The following DBF4B variants were observed in gnomAD, a reference collection of about 807,000 sequenced individuals.
The protein encoded by DBF4B is protein DBF4 homolog B.
A neutral mutation model predicts 53.4 loss-of-function variants in DBF4B; 49 were observed. The observed-to-expected ratio is 0.92, with a 90% confidence interval of 0.73 to 1.16. DBF4B has a LOEUF of 1.16. DBF4B is among the 50% of genes most tolerant of loss of function. DBF4B has a pLI of 0.00. For missense variants in DBF4B, 692 were observed against 775.0 expected (o/e 0.89, Z 1.27); for synonymous variants, 257 against 288.7 (o/e 0.89, Z 1.11).
chr17:44,736,687 AGGGCCTGAGAGTCT>A (rs916820088), intron 7 of DBF4B, 129 bp from the exon 8 acceptor site: 42 of 823,198 alleles, frequency 5.1e-5, no homozygotes, highest in Non-Finnish European at 8.2e-5. Flanking sequence ...GCTCCAGCTC[AGGGCCTGAGAGTCT>A]GGTTCTGCAG....
Position 44,749,231 on chromosome 17 carries a change from T to C in DBF4B, c.1189+766T>C. ...CTCTGGGCCCCCCAGCCTCTCCAGGTGCCCTGTCTCCCTGTCTCCCAGCCC... is the reference window on the plus strand; with the variant it reads ...CTCTGGGCCCCCCAGCCTCTCCAGGCGCCCTGTCTCCCTGTCTCCCAGCCC... On this transcript the variant is annotated intron_variant, in intron 13 of 13. Coordinates refer to ENST00000315005, the MANE Select transcript of DBF4B (RefSeq NM_145663.3). The surrounding 1 kb of genome is among the most constrained non-coding windows in gnomAD (Gnocchi z 4.4). The C allele has an allele frequency of 7.7e-7, 1 of 1,290,444 alleles. No homozygotes were observed. The highest frequency in any genetic ancestry group is 1.2e-5 in the South Asian group (1 of 81,702). 79.9% of individuals were successfully genotyped at this position (1,290,444 alleles called of 1,614,324 possible).
chr17:44,730,948 T>C lies in DBF4B; in HGVS notation c.418-17T>C. The C allele has an allele frequency of 6.2e-7, 1 of 1,613,666 alleles. No homozygotes were observed. The highest frequency in any genetic ancestry group is 8.5e-7 in the Non-Finnish European group (1 of 1,179,772). On this transcript the variant is annotated splice_polypyrimidine_tract_variant and intron_variant, in intron 4 of 13. Transcript: ENST00000315005. ...GTGGCCTAACAGCAGACCTCACTGC[T>C]CTTCTGTCCCTGTCAGGTGCCTCTA...
At chr17:44,738,324 C>T (rs1004842268) in intron 8 of DBF4B, 55 bp from the exon 9 acceptor site, 3 of 1,570,926 alleles carry the variant, frequency 1.9e-6, no homozygotes, top group African/African-American at 1.4e-5. Context: ...ATGTGTGGTG[C>T]AGGCCCTGCA....
chr17:44,738,528 C>T, intron 9 of DBF4B, 104 bp downstream of exon 9: 1 of 1,184,442 alleles, frequency 8.4e-7, no homozygotes, highest in Non-Finnish European at 1.2e-6. Flanking sequence ...GACATGGAGC[C>T]CCTTAACCCT....
chr17:44,731,281 C>T (rs913639020), intron 5 of DBF4B: 2 of 422,002 alleles, frequency 4.7e-6, no homozygotes, highest in South Asian at 4.4e-5. Context: ...TGTGGCGGGA[C>T]AGGGTTGCTG....
chr17:44,712,430 A>G (rs539100284), intron 2 of DBF4B, among the ~76,000 whole-genome samples: 1 of 144,846 alleles, frequency 6.9e-6, no homozygotes, highest in Non-Finnish European at 1.5e-5. Flanking sequence ...TCAGCCTCCC[A>G]AGTAGCTGGG....
intron 12 of DBF4B, among the ~76,000 whole-genome samples, chr17:44,748,121 G>A (rs563758547): frequency 4.9e-4 from 74 of 152,250 alleles, no homozygotes; most frequent in African/African-American, 1.7e-3. Context: ...TCCTCTGGCC[G>A]GCCCCAACCA....
chr17:44,730,016 A>C lies in DBF4B; in HGVS notation c.337A>C (p.Ser113Arg). 6.2e-7 allele frequency: 1 copy of C among 1,613,708 alleles called. No homozygotes were observed. The highest frequency in any genetic ancestry group is 8.5e-7 in the Non-Finnish European group (1 of 1,180,028). Residue 113 changes from serine (S) to arginine (R), a missense_variant, in exon 4 of 14, where the codon AGT becomes CGT. Physicochemically the swap from Ser to Arg is moderately radical, Grantham distance 110. Transcript: ENST00000315005. ...SHRGCPSPSPSEVRVETSAMV... is the reference protein window; with the variant it reads ...SHRGCPSPSPREVRVETSAMV... ...TAGAGGCTGCCCTAGCCCTAGCCCC[A>C]GTGAGGTCAGAGTGGAAACATCGGC...
chr17:44,748,018 A>C (rs1422809893), intron 12 of DBF4B, among the ~76,000 whole-genome samples: 1 of 152,142 alleles, frequency 6.6e-6, no homozygotes, highest in Non-Finnish European at 1.5e-5. Context: ...CTCAAGCTCA[A>C]CTTGCACAGC....
At chr17:44,711,500 T>C (rs1309993578) in intron 2 of DBF4B, among the ~76,000 whole-genome samples, 1 of 152,094 alleles carries the variant, frequency 6.6e-6, no homozygotes, top group African/African-American at 2.4e-5. Flanking sequence ...CCTGGCTTCC[T>C]GTTTGATTCT....
chr17:44,726,957 C>T (rs933239852), intron 3 of DBF4B, among the ~76,000 whole-genome samples: 1 of 151,268 alleles, frequency 6.6e-6, no homozygotes, highest in African/African-American at 2.4e-5. Context: ...CAATTAGCTG[C>T]GTGTGGTGGT....
chr17:44,750,861 G>A lies in DBF4B; in HGVS notation c.1456G>A (p.Ala486Thr). 6.2e-7 allele frequency: 1 copy of A among 1,614,202 alleles called. No individual in the cohort carries two copies. Among genetic ancestry groups the A allele is most frequent in the South Asian group, 1.1e-5 (1 of 91,080 alleles). Residue 486 changes from alanine (A) to threonine (T), a missense_variant, in exon 14 of 14, where the codon GCG becomes ACG. Ala to Thr is a moderately conservative substitution (Grantham distance 58). This residue lies in a region of DBF4B where 597 missense variants were observed against 665.8 expected (regional missense o/e 0.90). Coordinates refer to ENST00000315005, the MANE Select transcript of DBF4B (RefSeq NM_145663.3). ...CTCCCAAGAAAACTCCTTTGCCCCG[G>A]CGGACATTCCTGTTAAGGGCCCACT... is the stretch of plus-strand genomic sequence containing the variant. Reference protein sequence around the residue: ...HPSQENSFAPADIPVKGPLLF... With the variant: ...HPSQENSFAPTDIPVKGPLLF...
In DBF4B at chr17:44,747,513, C is replaced by A; in HGVS notation, c.1062C>A (p.Pro354=). 1 of 1,613,770 alleles carries A rather than the reference C, an allele frequency of 6.2e-7. No individual in the cohort carries two copies. The highest frequency in any genetic ancestry group is 1.1e-5 in the South Asian group (1 of 91,072). The change falls in exon 12 of 14, where the codon CCC becomes CCA. Residue 354 remains proline, a splice_region_variant and synonymous_variant. Coordinates refer to ENST00000315005, the MANE Select transcript of DBF4B (RefSeq NM_145663.3). The stretch of plus-strand genomic sequence containing the variant: ...ACATCCCTTTCCAGGCTGGCCTCCC[C>A]AGGTGAGTGCCACGCTGGCAGGCAC... ...FADIPFQAGL[P]RWSGSPASDC...
Position 44,749,581 on chromosome 17 carries a change from G to A in DBF4B, c.1190-1014G>A, listed in dbSNP as rs1446705176. ...AGGTCTTTGGGAGAGAATCTGGGCT[G>A]GGGGCTGCCCTCTCCTACCCCTGCC... On this transcript the variant is annotated intron_variant, in intron 13 of 13. Transcript: ENST00000315005. The surrounding 1 kb of genome is among the most constrained non-coding windows in gnomAD (Gnocchi z 4.4). The A allele has an allele frequency of 8.3e-7, 1 of 1,201,172 alleles. No homozygotes were observed. The allele number at this position is 1,201,172 out of a possible 1,614,324, so 74.4% of individuals were successfully genotyped here.
intron 2 of DBF4B, among the ~76,000 whole-genome samples, chr17:44,716,070 C>A (rs1350015569): frequency 6.6e-6 from 1 of 151,976 alleles, no homozygotes; most frequent in Non-Finnish European, 1.5e-5. Flanking sequence ...GTAATCCACC[C>A]GCCTCGGCCT....
intron 10 of DBF4B, among the ~76,000 whole-genome samples, chr17:44,746,137 C>A (rs1482560207): frequency 6.9e-6 from 1 of 145,066 alleles, no homozygotes; most frequent in African/African-American, 2.6e-5. Flanking sequence ...GAGGCTGAGA[C>A]AAGAGAATCA....
At chr17:44,743,770 C>T (rs574210046) in intron 10 of DBF4B, among the ~76,000 whole-genome samples, 41 of 151,966 alleles carry the variant, frequency 2.7e-4, no homozygotes, top group African/African-American at 8.4e-4. Context: ...CCACCTCGCC[C>T]GGCTAATTGT....
rs184185584 is a variant in DBF4B, at chr17:44,712,452, G to A, written c.82+3086G>A. 1.7e-3 allele frequency among the ~76,000 whole-genome samples: 264 copies of A among 151,600 alleles called. 1 individual carries two copies. The highest frequency in any genetic ancestry group is 6.2e-3 in the African/African-American group (256 of 41,376). ...CCCAAGTAGCTGGGACTACAGGCAC[G>A]TGCCACCATGACTGGCTAATTTTTT... is the stretch of plus-strand genomic sequence containing the variant. On this transcript the variant is annotated intron_variant, in intron 2 of 13. Coordinates refer to ENST00000315005, the MANE Select transcript of DBF4B (RefSeq NM_145663.3).
In DBF4B at chr17:44,732,391, A is replaced by G. The variant is rs983701689; in HGVS notation, c.556+126A>G. ...CGGAAGCCAGAAATACTCAGCTGCC[A>G]TGTTGATCCACAAAGGTGGGAGGAT... On this transcript the variant is annotated intron_variant, in intron 6 of 13. Coordinates refer to ENST00000315005, the MANE Select transcript of DBF4B (RefSeq NM_145663.3). 126 of 1,007,478 alleles carry G rather than the reference A, an allele frequency of 1.3e-4. 1 individual carries two copies. The highest frequency in any genetic ancestry group is 1.8e-4 in the Non-Finnish European group (118 of 673,002). The allele number at this position is 1,007,478 out of a possible 1,614,324, so 62.4% of individuals were successfully genotyped here.
Sources: gnomAD v4.1 joint callset for allele counts (sites outside exome capture counted in the v4.1 genomes callset) on GRCh38, gnomAD v4.1.1 for gene constraint, gnomAD v4.1.1 regional missense constraint, Gnocchi (gnomAD v3.1) non-coding constraint, MANE v1.5 for transcripts, NCBI Gene and HGNC (gene_info 2026-07-23, HGNC 2026-07-21) for gene names.